FRRS1: variants seen among roughly 807,000 people sequenced by gnomAD.
The protein encoded by FRRS1 is ferric chelate reductase 1, also known as ferric reductase 1.
A neutral mutation model predicts 70.7 loss-of-function variants in FRRS1; 51 were observed. The ratio of observed to expected loss-of-function variants is 0.72; its 90% CI spans 0.58 to 0.91. The LOEUF (loss-of-function observed/expected upper bound fraction) is 0.91. Among genes scored for constraint, FRRS1 ranks in the 40% least tolerant of loss-of-function variants. FRRS1 has a pLI of 0.00. For missense variants in FRRS1, 672 were observed against 726.0 expected (o/e 0.93, Z 0.86); for synonymous variants, 225 against 238.7 (o/e 0.94, Z 0.53).
intron 6 of FRRS1, among the ~76,000 whole-genome samples, chr1:99,739,842 A>G (rs1365884225): frequency 6.6e-6 from 1 of 151,732 alleles, no homozygotes; most frequent in Admixed American, 6.6e-5. Context: ...ATTTAGGCCC[A>G]CGTTTGTTCT....
Position 99,708,781 on chromosome 1 carries a change from T to C in FRRS1, c.*247A>G. 1 of 625,940 alleles carries C rather than the reference T, an allele frequency of 1.6e-6. No individual in the cohort carries two copies. The highest frequency in any genetic ancestry group is 2.5e-5 in the South Asian group (1 of 39,790). 38.8% of individuals were successfully genotyped at this position (625,940 alleles called of 1,614,324 possible). A position where few individuals can be genotyped will look rare whatever the true frequency, so the allele number is the denominator to read the frequency against. On this transcript the variant is annotated 3_prime_UTR_variant, in exon 17 of 17. Transcript: ENST00000646001. ...GCATGAAATATTTGAGAGTTACTTC[T>C]CCTGAAGTACAATCTTTCCTTTAAG...
chr1:99,766,612 G>A lies in FRRS1; in HGVS notation c.-111C>T, dbSNP rs1657365916. The A allele has an allele frequency of 6.6e-6, 1 of 152,220 alleles. No homozygotes were observed. The highest frequency in any genetic ancestry group is 6.5e-5 in the Admixed American group (1 of 15,280). 9.4% of individuals were successfully genotyped at this position (152,220 alleles called of 1,614,324 possible). ...GAAAAAGACGTGACACTTACCTTGA[G>A]AAGCGAAGGCAGCCTAACCAACTTC... On this transcript the variant is annotated 5_prime_UTR_variant, in exon 1 of 17. Coordinates refer to ENST00000646001, the MANE Select transcript of FRRS1 (RefSeq NM_001361041.2).
intron 5 of FRRS1, among the ~76,000 whole-genome samples, chr1:99,741,615 T>C (rs1481885985): frequency 1.3e-5 from 2 of 152,236 alleles, no homozygotes; most frequent in African/African-American, 4.8e-5. Context: ...TTGAGAGGCA[T>C]GCAGTCTTTC....
intron 11 of FRRS1, among the ~76,000 whole-genome samples, chr1:99,716,560 G>A (rs1275709172): frequency 2.0e-5 from 3 of 152,202 alleles, no homozygotes; most frequent in African/African-American, 4.8e-5. Flanking sequence ...GCAGTACCGA[G>A]AACAAATCAG....
chr1:99,707,082 T>A lies in FRRS1; in HGVS notation c.*1946A>T, dbSNP rs1387730955. On this transcript the variant is annotated 3_prime_UTR_variant, in exon 17 of 17. Transcript: ENST00000646001. ...TTTAGATTATAAGTAGCATGGCACATATAGAATATGAACACAGAAAGTTCA... is the reference window on the plus strand; with the variant it reads ...TTTAGATTATAAGTAGCATGGCACAAATAGAATATGAACACAGAAAGTTCA... Among the ~76,000 whole-genome samples the A allele has an allele frequency of 6.6e-6, 1 of 152,110 alleles. No individual in the cohort carries two copies. Among genetic ancestry groups the A allele is most frequent in the Non-Finnish European group, 1.5e-5 (1 of 68,020 alleles).
Position 99,709,181 on chromosome 1 carries a change from A to G in FRRS1, c.1686+17T>C. ...TTACCATTAAGGTTTGTGTCAATGA[A>G]CAAGAAAAGGACTTACCTCTGTTTC... On this transcript the variant is annotated intron_variant, in intron 16 of 16. Transcript: ENST00000646001. 1.2e-6 allele frequency: 2 copies of G among 1,609,156 alleles called. No individual in the cohort carries two copies. The highest frequency in any genetic ancestry group is 1.7e-6 in the Non-Finnish European group (2 of 1,175,880).
chr1:99,715,142 C>A (rs1327213087), intron 12 of FRRS1, among the ~76,000 whole-genome samples: 1 of 152,146 alleles, frequency 6.6e-6, no homozygotes, highest in African/African-American at 2.4e-5. Flanking sequence ...CAAGTGTGAA[C>A]CACCACACCC....
At chr1:99,761,165 C>T (rs901361437) in intron 1 of FRRS1, among the ~76,000 whole-genome samples, 4 of 152,010 alleles carry the variant, frequency 2.6e-5, no homozygotes, top group South Asian at 2.1e-4. Context: ...CTCACTCTGG[C>T]GCCCAGGATG....
chr1:99,705,151 C>A lies in FRRS1; in HGVS notation c.*3877G>T, dbSNP rs1176770302. Among the ~76,000 whole-genome samples, 1 of 152,178 alleles carries A rather than the reference C, an allele frequency of 6.6e-6. No individual in the cohort carries two copies. Among genetic ancestry groups the A allele is most frequent in the African/African-American group, 2.4e-5 (1 of 41,440 alleles). On this transcript the variant is annotated 3_prime_UTR_variant, in exon 17 of 17. Coordinates refer to ENST00000646001, the MANE Select transcript of FRRS1 (RefSeq NM_001361041.2). ...TCACCCCTAGACATTGCTGTGGGGT[C>A]GGAGCCCCACAGCCTGCCCATCTGT...
intron 3 of FRRS1, 195 bp from the exon 4 acceptor site, chr1:99,747,625 C>T: frequency 5.6e-6 from 3 of 539,912 alleles, no homozygotes; most frequent in Non-Finnish European, 9.7e-6. Context: ...GATATTCAAT[C>T]TGTGAGATAT....
rs1654048104 is a variant in FRRS1, at chr1:99,706,778, C to T, written c.*2250G>A. ...GACTGGTGGTGCACACCTGTAGTCC[C>T]AGCTATTCAGGAGACTGAGACAAGA... is the stretch of plus-strand genomic sequence containing the variant. On this transcript the variant is annotated 3_prime_UTR_variant, in exon 17 of 17. Transcript: ENST00000646001. Among the ~76,000 whole-genome samples the T allele has an allele frequency of 6.6e-6, 1 of 151,814 alleles. No individual in the cohort carries two copies. Among genetic ancestry groups the T allele is most frequent in the Admixed American group, 6.6e-5 (1 of 15,252 alleles).
At chr1:99,718,532 T>C (rs982032488) in intron 10 of FRRS1, among the ~76,000 whole-genome samples, 27 of 152,200 alleles carry the variant, frequency 1.8e-4, no homozygotes, top group African/African-American at 6.5e-4. Context: ...TTTCGCCATG[T>C]TGGCCAGGCT....
At chr1:99,740,740 TG>T in intron 6 of FRRS1, 52 bp downstream of exon 6, 1 of 1,291,476 alleles carries the variant, frequency 7.7e-7, no homozygotes, top group Non-Finnish European at 1.1e-6. Context: ...GAGACCGGCC[TG>T]GGCAACATGG....
In FRRS1 at chr1:99,705,059, A is replaced by T. The variant is rs1347887791; in HGVS notation, c.*3969T>A. 6.6e-6 allele frequency among the ~76,000 whole-genome samples: 1 copy of T among 152,230 alleles called. No individual in the cohort carries two copies. The highest frequency in any genetic ancestry group is 2.4e-5 in the African/African-American group (1 of 41,462). On this transcript the variant is annotated 3_prime_UTR_variant, in exon 17 of 17. Transcript: ENST00000646001. The stretch of plus-strand genomic sequence containing the variant: ...GGTCTAATTGAGCTAACACAAGCTA[A>T]CTATGGACAGCTAAACTAAAAGAGC...
chr1:99,744,969 CAAAAA>C (rs71075450), intron 4 of FRRS1, among the ~76,000 whole-genome samples: 3 of 91,744 alleles, frequency 3.3e-5, no homozygotes, highest in Admixed American at 2.5e-4. Context: ...GACTCCGTCT[CAAAAA>C]AAAAAAAAAA....
intron 7 of FRRS1, among the ~76,000 whole-genome samples, chr1:99,731,455 GTAAAA>G (rs1655376696): frequency 6.6e-6 from 1 of 152,198 alleles, no homozygotes; most frequent in Admixed American, 6.5e-5. Flanking sequence ...ACATATTACA[GTAAAA>G]TCAGAATTAG....
chr1:99,727,743 G>C (rs1177463999), intron 9 of FRRS1, among the ~76,000 whole-genome samples: 1 of 152,182 alleles, frequency 6.6e-6, no homozygotes, highest in Non-Finnish European at 1.5e-5. Context: ...CCTAAGAGAT[G>C]AGTCATTAAA....
intron 1 of FRRS1, among the ~76,000 whole-genome samples, chr1:99,762,791 T>G (rs760181699): frequency 4.6e-5 from 7 of 152,196 alleles, no homozygotes; most frequent in Non-Finnish European, 7.3e-5. Flanking sequence ...CCAAACACTC[T>G]TTTGGTCCCC....
chr1:99,715,589 A>G lies in FRRS1; in HGVS notation c.1320T>C (p.Ser440=). ...ACCCTATTTAAGATATACTTACCCT[A>G]CTCCAGCCTCCCCTGTATATAAACG... The part of the protein sequence containing the change: ...VMPFIYRGGW[S]RHAGYHPYLG... The change falls in exon 12 of 17, where the codon AGT becomes AGC. Residue 440 remains serine (S), a synonymous_variant. Coordinates refer to ENST00000646001, the MANE Select transcript of FRRS1 (RefSeq NM_001361041.2). 1 of 1,595,096 alleles carries G rather than the reference A, an allele frequency of 6.3e-7. No homozygotes were observed. Among genetic ancestry groups the G allele is most frequent in the Non-Finnish European group, 8.6e-7 (1 of 1,162,824 alleles).
Sources: gnomAD v4.1 joint callset for allele counts (sites outside exome capture counted in the v4.1 genomes callset) on GRCh38, gnomAD v4.1.1 for gene constraint, MANE v1.5 for transcripts, NCBI Gene and HGNC (gene_info 2026-07-23, HGNC 2026-07-21) for gene names.